The following SLC35D1 variants were observed in gnomAD, a reference collection of about 807,000 sequenced individuals.
The protein encoded by SLC35D1 is nucleotide sugar transporter SLC35D1.
A neutral mutation model predicts 46.7 loss-of-function variants in SLC35D1; 31 were observed. The ratio of observed to expected loss-of-function variants is 0.66; its 90% CI spans 0.50 to 0.90. The LOEUF (loss-of-function observed/expected upper bound fraction) is 0.90, where lower values mean the gene tolerates loss of function less well. Ranked by LOEUF, SLC35D1 falls within the 40% of genes least tolerant of loss-of-function variation. The probability of loss-of-function intolerance (pLI) is 0.00; values close to 1 mark genes in which losing one functional copy is unlikely to be tolerated. For missense variants in SLC35D1, 397 were observed against 426.2 expected (o/e 0.93, Z 0.60); for synonymous variants, 195 against 164.6 (o/e 1.18, Z -1.41).
intron 10 of SLC35D1, 110 bp downstream of exon 10, chr1:67,020,259 A>C: frequency 1.4e-6 from 1 of 737,520 alleles, no homozygotes; most frequent in Non-Finnish European, 2.5e-6. Context: ...CTAAGACAGT[A>C]TGTGAGGAAA....
chr1:66,987,058 C>T, the SLC35D1 span: 1 of 152,336 alleles, frequency 6.6e-6, no homozygotes, highest in African/African-American at 2.4e-5. Flanking sequence ...GGCATGTTTG[C>T]AAAAATATGG....
intron 11 of SLC35D1, among the ~76,000 whole-genome samples, chr1:67,008,819 A>G (rs1161568192): frequency 6.6e-6 from 1 of 151,966 alleles, no homozygotes; most frequent in Non-Finnish European, 1.5e-5. Flanking sequence ...CATTGCCCAG[A>G]CTAGTCTCAA....
downstream of SLC35D1, among the ~76,000 whole-genome samples, chr1:66,998,231 G>GT (rs1667265166): frequency 6.6e-6 from 1 of 152,150 alleles, no homozygotes; most frequent in Non-Finnish European, 1.5e-5. Flanking sequence ...GCTCATGCCT[G>GT]TAATTCCAAC....
At chr1:66,992,439 G>A in the SLC35D1 span, among the ~76,000 whole-genome samples, 42 of 152,320 alleles carry the variant, frequency 2.8e-4, no homozygotes, top group South Asian at 6.8e-3. Flanking sequence ...AGTGAGAATA[G>A]GCTGCCAAAG....
chr1:67,035,278 GTTC>G (rs1268605824), intron 8 of SLC35D1, among the ~76,000 whole-genome samples: 2 of 152,254 alleles, frequency 1.3e-5, no homozygotes, highest in African/African-American at 4.8e-5. Context: ...ATTGGCATTA[GTTC>G]TTCTTTAAAT....
intron 8 of SLC35D1, 62 bp downstream of exon 8, chr1:67,042,174 C>T (rs1645193928): frequency 7.0e-6 from 10 of 1,425,544 alleles, no homozygotes; most frequent in African/African-American, 1.4e-5. Flanking sequence ...CCTATCTTTT[C>T]ATCATAAATA....
chr1:67,008,886 G>A (rs1667505600), intron 11 of SLC35D1, among the ~76,000 whole-genome samples, 199 bp downstream of exon 11: 1 of 152,018 alleles, frequency 6.6e-6, no homozygotes, highest in African/African-American at 2.4e-5. Context: ...GGGATTATAG[G>A]TATAAGCCAT....
chr1:67,032,330 A>G (rs1319728215), intron 8 of SLC35D1, among the ~76,000 whole-genome samples: 1 of 151,866 alleles, frequency 6.6e-6, no homozygotes, highest in African/African-American at 2.4e-5. Context: ...ATAACATGGT[A>G]GGTATATATT....
chr1:67,011,337 T>C (rs545273794), intron 10 of SLC35D1, among the ~76,000 whole-genome samples: 1 of 152,316 alleles, frequency 6.6e-6, no homozygotes, highest in Admixed American at 6.5e-5. Context: ...TCTGCTCTTT[T>C]GGAAGCTGCA....
the SLC35D1 span, chr1:66,981,872 C>T: frequency 6.2e-7 from 1 of 1,613,968 alleles, no homozygotes; most frequent in Admixed American, 1.7e-5. Context: ...GTAGTAACAG[C>T]CAGTCTGAGA....
At chr1:67,049,881 A>C in intron 5 of SLC35D1, 31 bp from the exon 6 acceptor site, 2 of 1,386,548 alleles carry the variant, frequency 1.4e-6, no homozygotes, top group Non-Finnish European at 2.0e-6. Context: ...AAATACACAC[A>C]TGACTTTATT....
chr1:67,012,199 G>A (rs1302049623), intron 10 of SLC35D1, among the ~76,000 whole-genome samples: 1 of 152,058 alleles, frequency 6.6e-6, no homozygotes, highest in Non-Finnish European at 1.5e-5. Flanking sequence ...TTTGTTGCCT[G>A]GTTAGTACTA....
chr1:67,039,857 T>G (rs943633994), intron 8 of SLC35D1, among the ~76,000 whole-genome samples: 1 of 152,284 alleles, frequency 6.6e-6, no homozygotes, highest in South Asian at 2.1e-4. Flanking sequence ...GAGACTCATT[T>G]TACAAATGAT....
At chr1:66,999,338 TTAG>T (rs1403002872), downstream of SLC35D1, 1 of 152,382 alleles carries the variant, frequency 6.6e-6, no homozygotes, top group East Asian at 1.9e-4. Context: ...TGGCTCTGGA[TTAG>T]TCTCTGTATG....
chr1:67,009,803 T>G (rs898317419), intron 10 of SLC35D1, among the ~76,000 whole-genome samples: 2 of 152,200 alleles, frequency 1.3e-5, no homozygotes, highest in Non-Finnish European at 2.9e-5. Flanking sequence ...AAAACAGAAC[T>G]ACCATTTGAC....
At chr1:67,022,773 C>T (rs1197949984) in intron 8 of SLC35D1, among the ~76,000 whole-genome samples, 2 of 152,072 alleles carry the variant, frequency 1.3e-5, no homozygotes. Flanking sequence ...ATCATGTAAC[C>T]ACCATTACAA....
intron 8 of SLC35D1, among the ~76,000 whole-genome samples, chr1:67,032,883 C>A (rs1163561497): frequency 2.6e-5 from 4 of 152,182 alleles, no homozygotes; most frequent in African/African-American, 9.7e-5. Flanking sequence ...ACCCTTCCAG[C>A]TTTCCTCACC....
At chr1:66,994,317 C>G in the SLC35D1 span, among the ~76,000 whole-genome samples, 1 of 152,176 alleles carries the variant, frequency 6.6e-6, no homozygotes, top group Non-Finnish European at 1.5e-5. Context: ...AAGCTGAACT[C>G]ATAATTCTGA....
At chr1:66,977,885 G>C in the SLC35D1 span, among the ~76,000 whole-genome samples, 8 of 152,190 alleles carry the variant, frequency 5.3e-5, no homozygotes, top group East Asian at 1.5e-3. Context: ...TCTTAAAGCT[G>C]ACCAAATAAT....
Sources: allele counts gnomAD v4.1 joint callset (sites outside exome capture counted in the v4.1 genomes callset), GRCh38; gene constraint gnomAD v4.1.1; transcripts MANE v1.5; gene names NCBI Gene and HGNC (gene_info 2026-07-23, HGNC 2026-07-21).